Variants in SLC7A2 observed in about 807,000 individuals in gnomAD.
SLC7A2 encodes the protein solute carrier family 7 member 2.
SLC7A2 carries 48 observed loss-of-function variants against 58.9 expected under a neutral mutation model. That is an observed-to-expected ratio of 0.82 (90% CI 0.65 to 1.04). The LOEUF is 1.04. Among genes scored for constraint, SLC7A2 ranks in the 50% least tolerant of loss-of-function variants. The pLI is 0.00. For synonymous variants in SLC7A2, 363 were observed against 314.5 expected (o/e 1.15, Z -1.63); for missense variants, 1,029 against 818.8 (o/e 1.26, Z -3.13).
At chr8:17,538,649 A>G in intron 2 of SLC7A2, 1 of 616,268 alleles carries the variant, frequency 1.6e-6, no homozygotes, top group East Asian at 3.1e-5. Context: ...TTGAAAATTT[A>G]TCTTGGAACT....
At chr8:17,548,513 G>A (rs1287781653) in intron 4 of SLC7A2, among the ~76,000 whole-genome samples, 165 bp from the exon 5 acceptor site, 1 of 152,180 alleles carries the variant, frequency 6.6e-6, no homozygotes, top group African/African-American at 2.4e-5. Context: ...AGACATTTCA[G>A]AATTAGGTAA....
chr8:17,562,764 G>A (rs1353967243), intron 11 of SLC7A2, among the ~76,000 whole-genome samples: 1 of 152,168 alleles, frequency 6.6e-6, no homozygotes, highest in Non-Finnish European at 1.5e-5. Flanking sequence ...TGTTAAAGAA[G>A]CTATAATATC....
At chr8:17,541,260 A>C (rs1801899775) in intron 2 of SLC7A2, among the ~76,000 whole-genome samples, 1 of 152,146 alleles carries the variant, frequency 6.6e-6, no homozygotes, top group Non-Finnish European at 1.5e-5. Flanking sequence ...ATTCTTTTTA[A>C]GCAGAACACT....
At chr8:17,563,751 T>G (rs778170688) in intron 12 of SLC7A2, 40 bp downstream of exon 12, 1 of 1,209,488 alleles carries the variant, frequency 8.3e-7, no homozygotes, top group Non-Finnish European at 1.2e-6. Context: ...CTATTTCATG[T>G]GCTGTGATGA....
chr8:17,553,831 CT>C (rs1802563673), intron 7 of SLC7A2, among the ~76,000 whole-genome samples: 1 of 151,950 alleles, frequency 6.6e-6, no homozygotes, highest in South Asian at 2.1e-4. Flanking sequence ...TTTTTGTTTT[CT>C]CTTACATGGT....
At chr8:17,495,891 A>G (rs1799945209), upstream of SLC7A2, among the ~76,000 whole-genome samples, 1 of 152,150 alleles carries the variant, frequency 6.6e-6, no homozygotes, top group Admixed American at 6.5e-5. Flanking sequence ...TGGCTTCCTG[A>G]GATACATTGA....
At chr8:17,508,892 G>A (rs1009559653) in intron 2 of SLC7A2, among the ~76,000 whole-genome samples, 4 of 152,126 alleles carry the variant, frequency 2.6e-5, no homozygotes, top group African/African-American at 9.7e-5. Flanking sequence ...AGTTTTTGAA[G>A]TATTTAGTAG....
intron 2 of SLC7A2, 110 bp from the exon 3 acceptor site, chr8:17,543,208 A>G (rs201598060): frequency 1.4e-4 from 140 of 966,658 alleles, no homozygotes; most frequent in East Asian, 6.0e-4. Context: ...ACACACACAC[A>G]CACACACAAA....
At chr8:17,495,013 T>C (rs1799922073), upstream of SLC7A2, among the ~76,000 whole-genome samples, 1 of 152,270 alleles carries the variant, frequency 6.6e-6, no homozygotes, top group South Asian at 2.1e-4. Context: ...TAAATTTGTT[T>C]ATCCCAAATC....
intron 1 of SLC7A2, among the ~76,000 whole-genome samples, chr8:17,501,121 C>G (rs940894600): frequency 6.6e-6 from 1 of 151,862 alleles, no homozygotes; most frequent in East Asian, 1.9e-4. Flanking sequence ...TCAAGCAGTT[C>G]TCATGCCTCA....
intron 4 of SLC7A2, among the ~76,000 whole-genome samples, chr8:17,547,710 A>G (rs1415597330): frequency 2.6e-5 from 4 of 152,066 alleles, no homozygotes. Context: ...GGGATGAATT[A>G]AAGTGTAGTA....
At chr8:17,553,408 C>G (rs546001995) in intron 7 of SLC7A2, among the ~76,000 whole-genome samples, 18 of 152,194 alleles carry the variant, frequency 1.2e-4, no homozygotes, top group African/African-American at 4.3e-4. Flanking sequence ...GTGAAGATAC[C>G]GTGCTACCAT....
In SLC7A2 at chr8:17,544,472, C is replaced by A; in HGVS notation, c.398C>A (p.Ala133Asp). ...YVIGTSSVAR[A>D]WSGTFDELLS... ...GAAGGTACATCAAGTGTTGCAAGAG[C>A]CTGGAGTGGCACCTTTGATGAACTT... Residue 133 changes from alanine to aspartate, a missense_variant, in exon 4 of 13, where the codon GCC becomes GAC. Ala to Asp is a moderately radical substitution (Grantham distance 126, BLOSUM62 -2). Coordinates refer to ENST00000494857, the MANE Select transcript of SLC7A2 (RefSeq NM_001370338.1). The A allele has an allele frequency of 1.2e-6, 2 of 1,613,954 alleles. No individual in the cohort carries two copies. Among genetic ancestry groups the A allele is most frequent in the Non-Finnish European group, 1.7e-6 (2 of 1,179,914 alleles).
At chr8:17,540,034 C>T (rs1401006745) in intron 2 of SLC7A2, among the ~76,000 whole-genome samples, 1 of 152,160 alleles carries the variant, frequency 6.6e-6, no homozygotes, top group South Asian at 2.1e-4. Flanking sequence ...TTCTCATTCT[C>T]TTGTTGCCAC....
At chr8:17,507,834 G>A (rs540519507) in intron 2 of SLC7A2, among the ~76,000 whole-genome samples, 4 of 152,248 alleles carry the variant, frequency 2.6e-5, no homozygotes, top group South Asian at 4.1e-4. Flanking sequence ...AGAAATAAGT[G>A]TTACAGGAAG....
At chr8:17,508,793 T>G (rs961047606) in intron 2 of SLC7A2, among the ~76,000 whole-genome samples, 1 of 152,166 alleles carries the variant, frequency 6.6e-6, no homozygotes, top group African/African-American at 2.4e-5. Context: ...GCCTGATTTA[T>G]CTCACCGAAC....
At chr8:17,555,377 G>C (rs1482585406) in intron 8 of SLC7A2, among the ~76,000 whole-genome samples, 1 of 151,938 alleles carries the variant, frequency 6.6e-6, no homozygotes, top group Non-Finnish European at 1.5e-5. Context: ...TAAATATTAT[G>C]AATTGCTTTT....
intron 2 of SLC7A2, among the ~76,000 whole-genome samples, chr8:17,530,557 A>C (rs1265600765): frequency 6.9e-6 from 1 of 144,852 alleles, no homozygotes; most frequent in African/African-American, 2.5e-5. Flanking sequence ...GATTAGGTAC[A>C]AGTGTGAGTA....
At chr8:17,532,047 G>A (rs866377090) in intron 2 of SLC7A2, among the ~76,000 whole-genome samples, 4 of 151,866 alleles carry the variant, frequency 2.6e-5, no homozygotes, top group South Asian at 4.2e-4. Flanking sequence ...GGCCAACGTG[G>A]TGAAACCCCA....
Sources: gnomAD v4.1 joint callset for allele counts (sites outside exome capture counted in the v4.1 genomes callset) on GRCh38, gnomAD v4.1.1 for gene constraint, MANE v1.5 for transcripts, NCBI Gene and HGNC (gene_info 2026-07-23, HGNC 2026-07-21) for gene names.